The following YY1 variants were observed in gnomAD, a reference collection of about 807,000 sequenced individuals.
YY1 encodes transcriptional repressor protein YY1.
YY1 carries 2 observed loss-of-function variants against 35.6 expected under a neutral mutation model. That is an observed-to-expected ratio of 0.06 (90% CI 0.02 to 0.18). YY1 has a LOEUF of 0.18. YY1 is among the 10% of genes least tolerant of loss of function. YY1 has a pLI of 1.00. For synonymous variants in YY1, 268 were observed against 238.9 expected (o/e 1.12, Z -1.12); for missense variants, 322 against 573.4 (o/e 0.56, Z 4.48).
Position 100,276,867 on chromosome 14 carries a change from G to T in YY1, c.1062+219G>T. On this transcript the variant is annotated intron_variant, in intron 4 of 4. Coordinates refer to ENST00000262238, the MANE Select transcript of YY1 (RefSeq NM_003403.5). The surrounding 1 kb of genome is among the most constrained non-coding windows in gnomAD (Gnocchi z 4.1). ...TGTGGTACTGGGTACGCAATGTATT[G>T]GTGTTGATGGAGTACACTTTATGGC... 1.7e-6 allele frequency: 1 copy of T among 604,466 alleles called. No homozygotes were observed. Among genetic ancestry groups the T allele is most frequent in the East Asian group, 2.9e-5 (1 of 34,188 alleles). The allele number at this position is 604,466 out of a possible 1,614,324, so 37.4% of individuals were successfully genotyped here. A position where few individuals can be genotyped will look rare whatever the true frequency, so the allele number is the denominator to read the frequency against.
chr14:100,281,495 A>G lies in YY1; in HGVS notation c.*3895A>G, dbSNP rs567669200. ...GATACACTGACAGTAATGTGAGCGC[A>G]GCACTTCAGAGTTCAGGCCCAGCAG... On this transcript the variant is annotated 3_prime_UTR_variant, in exon 5 of 5. Transcript: ENST00000262238. 1 of 152,324 alleles carries G rather than the reference A, an allele frequency of 6.6e-6. No homozygotes were observed. The highest frequency in any genetic ancestry group is 2.1e-4 in the South Asian group (1 of 4,822). The allele number at this position is 152,324 out of a possible 1,614,324, so 9.4% of individuals were successfully genotyped here.
chr14:100,254,460 CTCTTT>C (rs1025984444), intron 1 of YY1, among the ~76,000 whole-genome samples: 8 of 151,940 alleles, frequency 5.3e-5, no homozygotes, highest in Middle Eastern at 3.4e-3. Context: ...TGTTTCTTTT[CTCTTT>C]TCTTTTCTTT....
intron 1 of YY1, among the ~76,000 whole-genome samples, chr14:100,259,943 G>A (rs1025289727): frequency 6.6e-6 from 1 of 152,202 alleles, no homozygotes; most frequent in African/African-American, 2.4e-5. Context: ...TATATTTTCT[G>A]TGCCAGTTTA....
At chr14:100,252,206 G>T (rs1391826185) in intron 1 of YY1, among the ~76,000 whole-genome samples, 1 of 152,068 alleles carries the variant, frequency 6.6e-6, no homozygotes, top group Non-Finnish European at 1.5e-5. Flanking sequence ...CATTTATTTA[G>T]TTCCTTAATT....
At chr14:100,271,874 A>T (rs757978734) in intron 2 of YY1, among the ~76,000 whole-genome samples, 27 of 152,074 alleles carry the variant, frequency 1.8e-4, no homozygotes, top group Non-Finnish European at 8.8e-5. Flanking sequence ...CAGTATTTTA[A>T]ATAATTTTGT....
At chr14:100,273,725 G>A (rs1377344753) in intron 2 of YY1, among the ~76,000 whole-genome samples, 5 of 151,960 alleles carry the variant, frequency 3.3e-5, no homozygotes, top group African/African-American at 1.2e-4. Context: ...TAAAACTAGG[G>A]ACAAAAAGAA....
Position 100,280,067 on chromosome 14 carries a change from T to C in YY1, c.*2467T>C, listed in dbSNP as rs1215499796. 1 of 152,268 alleles carries C rather than the reference T, an allele frequency of 6.6e-6. No individual in the cohort carries two copies. The highest frequency in any genetic ancestry group is 1.5e-5 in the Non-Finnish European group (1 of 68,048). The allele number at this position is 152,268 out of a possible 1,614,324, so 9.4% of individuals were successfully genotyped here. A position where few individuals can be genotyped will look rare whatever the true frequency, so the allele number is the denominator to read the frequency against. ...GTTAACTTCTGTAAGGAGTTTAATCTGGGGTTCCAAGAAAACAAGTTCCTT... is the reference window on the plus strand; with the variant it reads ...GTTAACTTCTGTAAGGAGTTTAATCCGGGGTTCCAAGAAAACAAGTTCCTT... On this transcript the variant is annotated 3_prime_UTR_variant, in exon 5 of 5. Coordinates refer to ENST00000262238, the MANE Select transcript of YY1 (RefSeq NM_003403.5).
Position 100,239,469 on chromosome 14 carries a change from T to TCACCAC in YY1, c.236_241dup (p.His79_His80dup), listed in dbSNP as rs753530895. 4.4e-6 allele frequency: 7 copies of TCACCAC among 1,592,778 alleles called. No homozygotes were observed. Among genetic ancestry groups the TCACCAC allele is most frequent in the South Asian group, 3.3e-5 (3 of 90,110 alleles). ...ACGCCGGCCACCACCACCACCACCA[T>TCACCAC]CACCACCACCACCACCCGCCCATGA... On this transcript the variant is annotated inframe_insertion, in exon 1 of 5. Coordinates refer to ENST00000262238, the MANE Select transcript of YY1 (RefSeq NM_003403.5).
chr14:100,259,325 C>T (rs575919421), intron 1 of YY1, among the ~76,000 whole-genome samples: 3 of 152,228 alleles, frequency 2.0e-5, no homozygotes, highest in African/African-American at 7.2e-5. Flanking sequence ...TCGAGACCAT[C>T]CTGGCCAACG....
chr14:100,250,854 A>AG (rs1159369913), intron 1 of YY1, among the ~76,000 whole-genome samples: 1 of 151,812 alleles, frequency 6.6e-6, no homozygotes, highest in East Asian at 1.9e-4. Context: ...AAAAAAAAAA[A>AG]AAAGGCCAGG....
intron 1 of YY1, among the ~76,000 whole-genome samples, chr14:100,243,921 C>G (rs1448935253): frequency 6.6e-6 from 1 of 151,958 alleles, no homozygotes; most frequent in East Asian, 1.9e-4. Flanking sequence ...CTGCCTAACA[C>G]GGTAAAACCC....
At chr14:100,253,699 G>T (rs1208808299) in intron 1 of YY1, among the ~76,000 whole-genome samples, 2 of 151,666 alleles carry the variant, frequency 1.3e-5, no homozygotes, top group African/African-American at 2.4e-5. Flanking sequence ...GCCAACCAGG[G>T]TAATCTTGAA....
chr14:100,241,260 A>T (rs368584817), intron 1 of YY1, among the ~76,000 whole-genome samples: 4 of 152,316 alleles, frequency 2.6e-5, no homozygotes, highest in African/African-American at 9.6e-5. Flanking sequence ...TCTTCCCTAT[A>T]AGTACTTTAA....
At position 100,262,850 on chromosome 14, in the gene YY1, C is replaced by T. The variant is rs79237320; in HGVS notation, c.842+384C>T. 3.0e-3 allele frequency among the ~76,000 whole-genome samples: 450 copies of T among 152,120 alleles called. 4 individuals are homozygous for T. The highest frequency in any genetic ancestry group is 1.0e-2 in the African/African-American group (413 of 41,478). On this transcript the variant is annotated intron_variant, in intron 2 of 4. Coordinates refer to ENST00000262238, the MANE Select transcript of YY1 (RefSeq NM_003403.5). ...TTGCATTTGAGTAAATAAAATTGCA[C>T]GTAATTTGTTTTGGAATAGATATCT...
chr14:100,278,066 T>G lies in YY1; in HGVS notation c.*466T>G, dbSNP rs1427788148. On this transcript the variant is annotated 3_prime_UTR_variant, in exon 5 of 5. Coordinates refer to ENST00000262238, the MANE Select transcript of YY1 (RefSeq NM_003403.5). ...TGTGATTTTTCTGGAGGTTGATAAC[T>G]TTGCTTGCAGTAGATTTTCTTTAAA... 1 of 156,990 alleles carries G rather than the reference T, an allele frequency of 6.4e-6. No individual in the cohort carries two copies. The highest frequency in any genetic ancestry group is 2.4e-5 in the African/African-American group (1 of 41,458). 9.7% of individuals were successfully genotyped at this position (156,990 alleles called of 1,614,324 possible). A position where few individuals can be genotyped will look rare whatever the true frequency, so the allele number is the denominator to read the frequency against.
rs1047922024 is a variant in YY1, at chr14:100,282,129, T to G, written c.*4529T>G. ...GGTGGGAGGTGACACATGGAGAGCT[T>G]CGTCCTGGCCGAGCAGGCACCCAGC... is the stretch of plus-strand genomic sequence containing the variant. On this transcript the variant is annotated 3_prime_UTR_variant, in exon 5 of 5. Transcript: ENST00000262238. 3 of 152,190 alleles carry G rather than the reference T, an allele frequency of 2.0e-5. No individual in the cohort carries two copies. Among genetic ancestry groups the G allele is most frequent in the African/African-American group, 7.2e-5 (3 of 41,426 alleles). 9.4% of individuals were successfully genotyped at this position (152,190 alleles called of 1,614,324 possible).
intron 2 of YY1, chr14:100,263,634 G>C (rs1891114450): frequency 6.6e-6 from 1 of 152,156 alleles, no homozygotes. Flanking sequence ...GTTGGAACCT[G>C]GAATAGCTCA....
At position 100,239,367 on chromosome 14, in the gene YY1, G is replaced by A. The variant is rs1890686277; in HGVS notation, c.123G>A (p.Val41=). 2 of 1,602,274 alleles carry A rather than the reference G, an allele frequency of 1.2e-6. No individual in the cohort carries two copies. The highest frequency in any genetic ancestry group is 1.7e-6 in the Non-Finnish European group (2 of 1,175,186). The change falls in exon 1 of 5, where the codon GTG becomes GTA. Residue 41 remains valine, a synonymous_variant. Transcript: ENST00000262238. ...TGGAGACCATCGAGACCACAGTGGTGGGCGAGGAGGAGGAGGAGGACGACG... is the reference window on the plus strand; with the variant it reads ...TGGAGACCATCGAGACCACAGTGGTAGGCGAGGAGGAGGAGGAGGACGACG... ...IPVETIETTV[V]GEEEEEDDDD...
intron 2 of YY1, among the ~76,000 whole-genome samples, chr14:100,266,253 T>G (rs1891153547): frequency 6.6e-6 from 1 of 152,082 alleles, no homozygotes; most frequent in Non-Finnish European, 1.5e-5. Flanking sequence ...AGCGAAACCA[T>G]GTCAGAGGGT....
Sources: allele counts gnomAD v4.1 joint callset (sites outside exome capture counted in the v4.1 genomes callset), GRCh38; gene constraint gnomAD v4.1.1; non-coding constraint Gnocchi (gnomAD v3.1); transcripts MANE v1.5; gene names NCBI Gene and HGNC (gene_info 2026-07-23, HGNC 2026-07-21).